Variants in CASK observed in about 807,000 individuals in gnomAD.
CASK encodes peripheral plasma membrane protein CASK.
CASK carries 4 observed loss-of-function variants against 82.9 expected under a neutral mutation model. The ratio of observed to expected loss-of-function variants is 0.05; its 90% CI spans 0.02 to 0.11. CASK has a LOEUF of 0.11. Ranked by LOEUF, CASK falls within the 10% of genes least tolerant of loss-of-function variation. The pLI is 1.00. For synonymous variants in CASK, 259 were observed against 253.5 expected (o/e 1.02, Z -0.20); for missense variants, 358 against 720.9 (o/e 0.50, Z 5.76).
chrX:41,617,744 T>C (rs1215437268), intron 11 of CASK, among the ~76,000 whole-genome samples: 2 of 112,357 alleles, frequency 1.8e-5, no homozygotes, highest in African/African-American at 6.5e-5. Context: ...TCTCCATTGC[T>C]ATTTGTTTTA....
chrX:41,818,968 T>A (rs1163545528), intron 2 of CASK, among the ~76,000 whole-genome samples: 1 of 111,103 alleles, frequency 9.0e-6, no homozygotes, highest in Middle Eastern at 4.2e-3. Flanking sequence ...CTTTCCAACC[T>A]TGGATTAGGC....
intron 5 of CASK, among the ~76,000 whole-genome samples, chrX:41,731,237 T>C (rs2068391473): frequency 9.0e-6 from 1 of 111,665 alleles, no homozygotes; most frequent in African/African-American, 3.3e-5. Flanking sequence ...CTGATCAACA[T>C]AGTGAGACCA....
intron 9 of CASK, among the ~76,000 whole-genome samples, chrX:41,635,366 G>A (rs1222447977): frequency 2.7e-5 from 3 of 110,978 alleles, no homozygotes; most frequent in Non-Finnish European, 5.7e-5. Context: ...AAATAAAATG[G>A]TATTATTAGA....
Position 41,524,035 on chromosome X carries a change from CTGTGT to C in CASK, c.2521-6_2521-2del. The C allele has an allele frequency of 8.8e-7, 1 of 1,130,988 alleles. No individual in the cohort carries two copies. The highest frequency in any genetic ancestry group is 1.2e-6 in the Non-Finnish European group (1 of 835,754). The allele number at this position is 1,130,988 out of a possible 1,213,427, so 93.2% of individuals were successfully genotyped here. On this transcript the variant is annotated splice_acceptor_variant and splice_polypyrimidine_tract_variant and intron_variant, in intron 25 of 26. Coordinates refer to ENST00000378163, the MANE Select transcript of CASK (RefSeq NM_001367721.1). LOFTEE classifies it high-confidence loss of function. ...CTGCAGTTCTCAGGACCTTCAGTGC[CTGTGT>C]TAAGAAAAAAAAAAAAAATCCCGAC... is the stretch of plus-strand genomic sequence containing the variant.
chrX:41,855,879 T>C (rs991195125), intron 1 of CASK, among the ~76,000 whole-genome samples: 4 of 112,488 alleles, frequency 3.6e-5, no homozygotes, highest in Non-Finnish European at 5.6e-5. Context: ...AAATTCTGAA[T>C]ATTGATTGGG....
chrX:41,748,882 C>T (rs2068740085), intron 3 of CASK, among the ~76,000 whole-genome samples: 1 of 112,129 alleles, frequency 8.9e-6, no homozygotes, highest in Non-Finnish European at 1.9e-5. Flanking sequence ...ATCTGAAATA[C>T]TGGTACTTGA....
chrX:41,754,343 G>A (rs2068852599), intron 3 of CASK, among the ~76,000 whole-genome samples: 4 of 111,365 alleles, frequency 3.6e-5, no homozygotes, highest in African/African-American at 1.3e-4. Flanking sequence ...CAAGGCTGCA[G>A]TGAGCCATGA....
At chrX:41,821,696 T>C (rs956474185) in intron 2 of CASK, among the ~76,000 whole-genome samples, 3 of 112,404 alleles carry the variant, frequency 2.7e-5, no homozygotes, top group African/African-American at 9.7e-5. Flanking sequence ...AAATGGAACA[T>C]TACTAACCAA....
At chrX:41,525,636 C>T (rs1042872315) in intron 25 of CASK, among the ~76,000 whole-genome samples, 24 of 111,278 alleles carry the variant, frequency 2.2e-4, no homozygotes, top group Non-Finnish European at 1.7e-4. Context: ...TGGCACCCAG[C>T]ATAAACTGCC....
chrX:41,613,258 T>C (rs1160133157), intron 11 of CASK, among the ~76,000 whole-genome samples: 1 of 108,650 alleles, frequency 9.2e-6, no homozygotes, highest in Admixed American at 9.7e-5. Flanking sequence ...GAAGTAGACA[T>C]GGGAGACTTT....
At chrX:41,588,717 C>T (rs1459666291) in intron 13 of CASK, among the ~76,000 whole-genome samples, 5 of 105,960 alleles carry the variant, frequency 4.7e-5, no homozygotes, top group African/African-American at 1.7e-4. Context: ...TGTTTATTTG[C>T]ACAAAGACTG....
intron 6 of CASK, among the ~76,000 whole-genome samples, chrX:41,669,050 C>T (rs2067158766): frequency 9.0e-6 from 1 of 111,440 alleles, no homozygotes. Context: ...TCAAAAGTAC[C>T]TTAAACAGCA....
At chrX:41,829,720 T>C (rs922427754) in intron 2 of CASK, among the ~76,000 whole-genome samples, 3 of 22,905 alleles carry the variant, frequency 1.3e-4, no homozygotes, top group Non-Finnish European at 2.1e-4. Flanking sequence ...TATATATATA[T>C]ATATATATAT....
chrX:41,521,647 T>C (rs182227070), intron 26 of CASK, among the ~76,000 whole-genome samples: 2 of 112,240 alleles, frequency 1.8e-5, no homozygotes, highest in African/African-American at 6.5e-5. Flanking sequence ...ATATTTGTCA[T>C]GCTGAACTCC....
intron 4 of CASK, among the ~76,000 whole-genome samples, chrX:41,740,738 G>C (rs1277177241): frequency 8.9e-6 from 1 of 112,156 alleles, no homozygotes; most frequent in African/African-American, 3.2e-5. Context: ...TCCTTACAAC[G>C]GGGCTTTAAG....
chrX:41,796,501 T>C (rs2069856273), intron 2 of CASK, among the ~76,000 whole-genome samples: 1 of 112,224 alleles, frequency 8.9e-6, no homozygotes, highest in Non-Finnish European at 1.9e-5. Flanking sequence ...TACTTTAACT[T>C]TGCAGTTTTT....
intron 22 of CASK, among the ~76,000 whole-genome samples, chrX:41,540,566 C>G (rs942260824): frequency 7.1e-5 from 8 of 112,237 alleles, no homozygotes; most frequent in Non-Finnish European, 1.1e-4. Context: ...CCCGTAGGAG[C>G]GAAGTGATTT....
At chrX:41,632,975 G>A (rs1010052566) in intron 9 of CASK, among the ~76,000 whole-genome samples, 1 of 104,804 alleles carries the variant, frequency 9.5e-6, no homozygotes, top group Non-Finnish European at 2.0e-5. Flanking sequence ...CCTGGGAGGC[G>A]GAGGCTGCAG....
intron 12 of CASK, among the ~76,000 whole-genome samples, chrX:41,605,376 T>C (rs1392527733): frequency 4.6e-5 from 5 of 109,215 alleles, no homozygotes; most frequent in Non-Finnish European, 7.6e-5. Flanking sequence ...GCAGGAGAAC[T>C]GCTTGAGCCC....
Sources: gnomAD v4.1 joint callset for allele counts (sites outside exome capture counted in the v4.1 genomes callset) on GRCh38, gnomAD v4.1.1 for gene constraint, MANE v1.5 for transcripts, NCBI Gene and HGNC (gene_info 2026-07-23, HGNC 2026-07-21) for gene names.